The following MYH2 variants were observed in gnomAD, a reference collection of about 807,000 sequenced individuals.
MYH2 encodes the protein myosin heavy chain 2, also known as myosin-2.
MYH2 carries 139 observed loss-of-function variants against 228.1 expected under a neutral mutation model. The ratio of observed to expected loss-of-function variants is 0.61; its 90% CI spans 0.53 to 0.70. MYH2 has a LOEUF of 0.70. Among genes scored for constraint, MYH2 ranks in the 30% least tolerant of loss-of-function variants. The pLI, the probability that MYH2 is intolerant of heterozygous loss-of-function variation, is 0.00. For missense variants in MYH2, 1,809 were observed against 2,357.5 expected, an observed-to-expected ratio of 0.77 and a Z score of 4.82; for synonymous variants, 796 against 871.1, an observed-to-expected ratio of 0.91 and a Z score of 1.52.
rs772580724 is a variant in MYH2 at position 10,547,794 on chromosome 17, G to C, written c.127C>G (p.Pro43Ala). The change falls in exon 3 of 40, where the codon CCC (proline) becomes GCC (alanine). Residue 43 changes from proline (P) to alanine (A), a missense_variant. This residue lies in a region of MYH2 where 84 missense variants were observed against 81.8 expected (regional missense o/e 1.03). Transcript: ENST00000245503. ...DAKTSVFVAE[P>A]KESFVKGTIQ... ...GTCCCTTTGACAAAGGATTCTTTGG[G>C]CTCCGCCACAAAGACAGATGTTTTG... 6.2e-7 allele frequency: 1 copy of C among 1,614,090 alleles called. No individual in the cohort carries two copies. Among genetic ancestry groups the C allele is most frequent in the South Asian group, 1.1e-5 (1 of 91,080 alleles).
chr17:10,539,865 G>GTAACAAGGAATTCT, intron 12 of MYH2, 63 bp downstream of exon 12: 1 of 1,607,530 alleles, frequency 6.2e-7, no homozygotes, highest in Non-Finnish European at 8.5e-7. Flanking sequence ...AAATTCCTGG[G>GTAACAAGGAATTCT]TAACAAGTTA....
In MYH2 at chr17:10,529,662, C is replaced by A. The variant is rs1226690028; in HGVS notation, c.3019G>T (p.Glu1007Ter). 6.8e-6 allele frequency: 11 copies of A among 1,613,902 alleles called. No homozygotes were observed. The highest frequency in any genetic ancestry group is 9.3e-6 in the Non-Finnish European group (11 of 1,180,032). Residue 1007 changes from glutamate (E) to a stop codon, truncating the protein, a stop_gained, in exon 24 of 40, where the codon GAG (glutamate) becomes TAG (stop). Transcript: ENST00000245503. LOFTEE classifies it high-confidence loss of function. ...KLTKEKKALQ[E>*]AHQQTLDDLQ... is the part of the protein sequence containing the mutation. Reference sequence around the variant, plus strand: ...TCATCCAGGGTCTGCTGGTGGGCCTCCTGGAGAGCCTTCTTCTCCTTGGTC... The same window carrying A: ...TCATCCAGGGTCTGCTGGTGGGCCTACTGGAGAGCCTTCTTCTCCTTGGTC...
Position 10,529,185 on chromosome 17 carries a change from G to T in MYH2, c.3331C>A (p.Gln1111Lys), listed in dbSNP as rs758264018. Residue 1111 changes from glutamine to lysine, a missense_variant, in exon 26 of 40, where the codon CAG becomes AAG. Around this residue, in one of 9 missense-constraint regions of MYH2, gnomAD observed 636 missense variants for 729.9 expected, o/e 0.87. Transcript: ENST00000245503. ...EDEQALGIQL[Q>K]KKIKELQARI... ...ACTTGCAATTCTTTAATTTTCTTCT[G>T]CAATTGAATGCCAAGTGCCTGTTCA... 2.5e-6 allele frequency: 4 copies of T among 1,614,188 alleles called. No homozygotes were observed. In the South Asian group the frequency reaches 4.4e-5, roughly 18 times the overall value.
intron 4 of MYH2, among the ~76,000 whole-genome samples, chr17:10,547,039 C>A (rs550340150): frequency 4.0e-5 from 6 of 151,808 alleles, no homozygotes; most frequent in African/African-American, 1.5e-4. Flanking sequence ...TGCAGTGAGC[C>A]GAGATCGCAC....
At chr17:10,548,893 T>C (rs2073667754) in intron 2 of MYH2, among the ~76,000 whole-genome samples, 1 of 152,164 alleles carries the variant, frequency 6.6e-6, no homozygotes, top group South Asian at 2.1e-4. Context: ...ATGCAGTAAG[T>C]AGTGGGAGGG....
chr17:10,527,448 G>C (rs1223626640), intron 28 of MYH2, among the ~76,000 whole-genome samples: 1 of 152,150 alleles, frequency 6.6e-6, no homozygotes, highest in Non-Finnish European at 1.5e-5. Context: ...TATAAATAAA[G>C]AGAAACTTGG....
intron 5 of MYH2, 68 bp from the exon 6 acceptor site, chr17:10,544,195 A>G: frequency 6.4e-7 from 1 of 1,566,844 alleles, no homozygotes; most frequent in Middle Eastern, 1.7e-4. Context: ...GTAAAGTAAA[A>G]TGGAATGAAC....
chr17:10,534,386 G>T (rs1391206605), intron 19 of MYH2, among the ~76,000 whole-genome samples: 1 of 152,242 alleles, frequency 6.6e-6, no homozygotes, highest in Non-Finnish European at 1.5e-5. Flanking sequence ...CTTTGGGCAA[G>T]TACCTTAATT....
chr17:10,541,805 A>G (rs2073559034), intron 10 of MYH2, among the ~76,000 whole-genome samples: 1 of 152,182 alleles, frequency 6.6e-6, no homozygotes, highest in Non-Finnish European at 1.5e-5. Context: ...GCCAGCACTT[A>G]GGAAATAGAA....
At chr17:10,546,393 G>T (rs2073633602) in intron 4 of MYH2, among the ~76,000 whole-genome samples, 1 of 150,826 alleles carries the variant, frequency 6.6e-6, no homozygotes, top group Non-Finnish European at 1.5e-5. Flanking sequence ...AGGTACACTT[G>T]TATAGGTGTT....
chr17:10,542,824 T>C, intron 10 of MYH2, 51 bp downstream of exon 10: 1 of 1,273,962 alleles, frequency 7.8e-7, no homozygotes, highest in South Asian at 1.2e-5. Flanking sequence ...GGACTGTGCA[T>C]TGATAGGTAC....
chr17:10,521,473 T>A (rs1283301394), intron 39 of MYH2, 41 bp from the exon 40 acceptor site: 5 of 1,602,650 alleles, frequency 3.1e-6, no homozygotes, highest in African/African-American at 1.3e-5. Flanking sequence ...CATACTTGCA[T>A]CTTTCTAGAC....
At chr17:10,535,420 GTCATTGGTGTCTATAAAA>G in intron 17 of MYH2, 55 bp from the exon 18 acceptor site, 1 of 1,404,392 alleles carries the variant, frequency 7.1e-7, no homozygotes, top group Non-Finnish European at 1.0e-6. Flanking sequence ...GATATGAGCA[GTCATTGGTGTCTATAAAA>G]TCAATATCTA....
rs368695212 is a variant in MYH2 at position 10,523,373 on chromosome 17, G to C, written c.5512C>G (p.Arg1838Gly). The change falls in exon 38 of 40, where the codon CGT (arginine) becomes GGT (glycine). Residue 1838 changes from arginine to glycine, a missense_variant. Coordinates refer to ENST00000245503, the MANE Select transcript of MYH2 (RefSeq NM_017534.6). ...LEGEVESEQK[R>G]NAEAVKGLRK... ...AGACCTTTGACAGCCTCAGCATTAC[G>C]CTTTTGCTCACTCTCAACCTCTCCT... is the stretch of plus-strand genomic sequence containing the variant. 6.2e-7 allele frequency: 1 copy of C among 1,614,140 alleles called. No individual in the cohort carries two copies. The highest frequency in any genetic ancestry group is 1.7e-5 in the Admixed American group (1 of 60,014).
At position 10,535,181 on chromosome 17, in the gene MYH2, T is replaced by C; in HGVS notation, c.2072A>G (p.Glu691Gly). ...PNETKTPGAM[E>G]HELVLHQLRC... ...CAGCTGGTGGAGGACAAGCTCATGC[T>C]CCATGGCACCTAAAAATGCATATTT... is the stretch of plus-strand genomic sequence containing the variant. Residue 691 changes from glutamate (E) to glycine (G), a missense_variant, in exon 19 of 40, where the codon GAG (glutamate) becomes GGG (glycine). Transcript: ENST00000245503. 1 of 1,614,138 alleles carries C rather than the reference T, an allele frequency of 6.2e-7. No homozygotes were observed. The highest frequency in any genetic ancestry group is 2.2e-5 in the East Asian group (1 of 44,864).
intron 12 of MYH2, 126 bp from the exon 13 acceptor site, chr17:10,539,688 C>T (rs2073527948): frequency 8.3e-7 from 1 of 1,200,096 alleles, no homozygotes; most frequent in African/African-American, 1.5e-5. Flanking sequence ...TATCCTTACC[C>T]ATTTGTTCAT....
chr17:10,523,721 T>A, intron 36 of MYH2, 38 bp downstream of exon 36: 1 of 1,614,246 alleles, frequency 6.2e-7, no homozygotes, highest in Non-Finnish European at 8.5e-7. Flanking sequence ...CAGGAAATCT[T>A]ACTGCTAAAT....
Position 10,543,930 on chromosome 17 carries a change from T to C in MYH2, c.620A>G (p.Lys207Arg). 2 of 1,614,210 alleles carry C rather than the reference T, an allele frequency of 1.2e-6. No homozygotes were observed. The highest frequency in any genetic ancestry group is 1.7e-6 in the Non-Finnish European group (2 of 1,180,024). ...ATIAVTGEKK[K>R]EEITSGKIQG... ...TATTTTGCCAGAAGTAATTTCTTCC[T>C]TCTTCTTCTCACCAGTAACTGCAAT... Residue 207 changes from lysine to arginine, a missense_variant, in exon 7 of 40, where the codon AAG becomes AGG. Coordinates refer to ENST00000245503, the MANE Select transcript of MYH2 (RefSeq NM_017534.6).
At chr17:10,545,014 A>AGTGTGTGTGTGT (rs112057904) in intron 5 of MYH2, among the ~76,000 whole-genome samples, 17,801 of 150,406 alleles carry the variant, frequency 0.12, 1,118 homozygotes, top group Non-Finnish European at 0.14. Context: ...TGCGTGCATG[A>AGTGTGTGTGTGT]GTGTGTGTGT....
Sources: allele counts gnomAD v4.1 joint callset (sites outside exome capture counted in the v4.1 genomes callset), GRCh38; gene constraint gnomAD v4.1.1; regional missense constraint gnomAD v4.1.1; transcripts MANE v1.5; gene names NCBI Gene and HGNC (gene_info 2026-07-23, HGNC 2026-07-21).